Variants in SUGP1 observed in about 807,000 individuals in gnomAD.
SUGP1 encodes the protein SURP and G-patch domain-containing protein 1.
SUGP1 carries 34 observed loss-of-function variants against 76.5 expected under a neutral mutation model. That is an observed-to-expected ratio of 0.44 (90% confidence interval 0.34 to 0.59). The LOEUF (loss-of-function observed/expected upper bound fraction) is 0.59, where lower values mean the gene tolerates loss of function less well. Among genes scored for constraint, SUGP1 ranks in the 20% least tolerant of loss-of-function variants. SUGP1 has a pLI of 0.01. For missense variants in SUGP1, 752 were observed against 851.7 expected, an observed-to-expected ratio of 0.88 and a Z score of 1.46; for synonymous variants, 326 against 326.2, an observed-to-expected ratio of 1.00 and a Z score of 0.01.
rs114363038 is a variant in SUGP1, at chr19:19,279,492, G to A, written c.1351-102C>T. 1.5e-3 allele frequency: 2,025 copies of A among 1,336,526 alleles called. 15 individuals are homozygous for A. The African/African-American group carries it at 0.019, about 12-fold the overall frequency. The allele number at this position is 1,336,526 out of a possible 1,614,324, so 82.8% of individuals were successfully genotyped here. A position where few individuals can be genotyped will look rare whatever the true frequency, so the allele number is the denominator to read the frequency against. Reference sequence around the variant, plus strand: ...AGTGCTGGGCATCCCCCGCCGGAACGTGGCTCATCTGGACCCCTGGGCAGG... The same window carrying A: ...AGTGCTGGGCATCCCCCGCCGGAACATGGCTCATCTGGACCCCTGGGCAGG... On this transcript the variant is annotated intron_variant, in intron 9 of 13. Coordinates refer to ENST00000247001, the MANE Select transcript of SUGP1 (RefSeq NM_172231.4).
chr19:19,294,149 G>A (rs1373779990), intron 8 of SUGP1, among the ~76,000 whole-genome samples: 3 of 151,250 alleles, frequency 2.0e-5, no homozygotes, highest in African/African-American at 4.9e-5. Flanking sequence ...ATCATGCCAC[G>A]GCACTCCAGC....
chr19:19,320,335 C>T, intron 1 of SUGP1, 128 bp downstream of exon 1: 3 of 1,006,500 alleles, frequency 3.0e-6, no homozygotes, highest in Non-Finnish European at 4.2e-6. Flanking sequence ...CAGAAGCCGA[C>T]GCTGTGGGCT....
intron 8 of SUGP1, among the ~76,000 whole-genome samples, chr19:19,286,291 T>TG (rs2061139478): frequency 6.6e-6 from 1 of 152,066 alleles, no homozygotes. Flanking sequence ...GCCTCTAGAT[T>TG]GGGGGGTCGT....
chr19:19,291,409 C>T (rs970059673), intron 8 of SUGP1, among the ~76,000 whole-genome samples: 6 of 151,990 alleles, frequency 3.9e-5, no homozygotes, highest in African/African-American at 9.7e-5. Context: ...GAAGGAGGGG[C>T]TGTAACTAAC....
chr19:19,313,116 G>A (rs755442647), intron 2 of SUGP1, among the ~76,000 whole-genome samples: 11 of 152,054 alleles, frequency 7.2e-5, no homozygotes, highest in South Asian at 2.1e-4. Flanking sequence ...TACAAAGGCC[G>A]GGTGCGGGAC....
chr19:19,308,843 C>G (rs910243656), intron 3 of SUGP1, among the ~76,000 whole-genome samples: 21 of 151,468 alleles, frequency 1.4e-4, no homozygotes, highest in Non-Finnish European at 2.6e-4. Context: ...ACATTGAGTG[C>G]AGGGTCTACA....
chr19:19,303,900 A>G (rs1489741963), intron 4 of SUGP1, 53 bp from the exon 5 acceptor site: 5 of 1,611,088 alleles, frequency 3.1e-6, no homozygotes, highest in Non-Finnish European at 4.2e-6. Flanking sequence ...CACAGTCAAT[A>G]GGCACACTCT....
intron 12 of SUGP1, 46 bp from the exon 13 acceptor site, chr19:19,277,122 T>C: frequency 6.3e-7 from 1 of 1,577,422 alleles, no homozygotes; most frequent in South Asian, 1.1e-5. Context: ...GCCAGAACTC[T>C]GGCCGGGGGG....
intron 3 of SUGP1, among the ~76,000 whole-genome samples, chr19:19,308,206 AT>A (rs1230442959): frequency 6.7e-6 from 1 of 149,904 alleles, no homozygotes; most frequent in African/African-American, 2.5e-5. Flanking sequence ...AATTATTTGT[AT>A]TTTTTTTGTA....
At chr19:19,281,201 G>C (rs35852717) in intron 8 of SUGP1, 2 of 152,196 alleles carry the variant, frequency 1.3e-5, no homozygotes, top group Non-Finnish European at 2.9e-5. Flanking sequence ...CCACATGAGC[G>C]GGCGGGTGAG....
chr19:19,278,836 G>A, intron 10 of SUGP1, 40 bp from the exon 11 acceptor site: 3 of 1,583,254 alleles, frequency 1.9e-6, no homozygotes, highest in Non-Finnish European at 2.6e-6. Context: ...GGGAGAAGCA[G>A]GAAGGAGGGG....
At chr19:19,302,099 G>T in intron 7 of SUGP1, 166 bp downstream of exon 7, 3 of 1,095,056 alleles carry the variant, frequency 2.7e-6, no homozygotes, top group Non-Finnish European at 3.9e-6. Context: ...CGTGGGACAT[G>T]CCTGTGGGGA....
At chr19:19,291,889 TCACACACACACACACA>T (rs541521385) in intron 8 of SUGP1, among the ~76,000 whole-genome samples, 245 of 128,682 alleles carry the variant, frequency 1.9e-3, no homozygotes, top group African/African-American at 6.3e-3. Context: ...TGAGACTCTG[TCACACACACACACACA>T]CACACACACA....
intron 8 of SUGP1, among the ~76,000 whole-genome samples, chr19:19,284,320 G>A (rs951651368): frequency 5.9e-5 from 9 of 152,128 alleles, no homozygotes; most frequent in Admixed American, 1.3e-4. Flanking sequence ...TAGTGATGGC[G>A]GAAGTGCTCC....
chr19:19,291,850 G>A (rs867144653), intron 8 of SUGP1, among the ~76,000 whole-genome samples: 4 of 147,484 alleles, frequency 2.7e-5, no homozygotes, highest in South Asian at 4.4e-4. Context: ...CCGAGATCAC[G>A]CCACTGCACT....
intron 8 of SUGP1, among the ~76,000 whole-genome samples, chr19:19,295,049 G>A (rs2061214661): frequency 6.6e-6 from 1 of 152,076 alleles, no homozygotes; most frequent in Non-Finnish European, 1.5e-5. Flanking sequence ...TGTAAACCCA[G>A]GACTCTGAGA....
intron 2 of SUGP1, 66 bp downstream of exon 2, chr19:19,316,356 A>G: frequency 6.3e-7 from 1 of 1,588,102 alleles, no homozygotes; most frequent in Non-Finnish European, 8.6e-7. Flanking sequence ...TCACAAGCCA[A>G]ACCCTGTGCT....
intron 2 of SUGP1, among the ~76,000 whole-genome samples, chr19:19,312,297 G>A (rs1458468364): frequency 3.9e-5 from 6 of 152,126 alleles, no homozygotes; most frequent in African/African-American, 1.4e-4. Flanking sequence ...CTTTGCAACA[G>A]CCACTATTAA....
intron 2 of SUGP1, among the ~76,000 whole-genome samples, chr19:19,311,502 C>T (rs555261804): frequency 6.6e-5 from 10 of 151,422 alleles, no homozygotes; most frequent in Non-Finnish European, 1.3e-4. Flanking sequence ...CCGAGGTGGG[C>T]GGATCACGAG....
Sources: allele counts gnomAD v4.1 joint callset (sites outside exome capture counted in the v4.1 genomes callset), GRCh38; gene constraint gnomAD v4.1.1; transcripts MANE v1.5; gene names NCBI Gene and HGNC (gene_info 2026-07-23, HGNC 2026-07-21).